The following MARCHF3 variants were observed in gnomAD, a reference collection of about 807,000 sequenced individuals.
MARCHF3 encodes the protein membrane associated ring-CH-type finger 3.
Under a neutral mutation model 24.2 loss-of-function variants are expected in MARCHF3, and 13 were observed. The ratio of observed to expected loss-of-function variants is 0.54; its 90% CI spans 0.35 to 0.85. MARCHF3 has a LOEUF of 0.85. MARCHF3 is among the 40% of genes least tolerant of loss of function. The pLI, the probability that MARCHF3 is intolerant of heterozygous loss-of-function variation, is 0.01. For missense variants in MARCHF3, 276 were observed against 325.0 expected (o/e 0.85, Z 1.16); for synonymous variants, 144 against 137.3 (o/e 1.05, Z -0.34).
intron 1 of MARCHF3, among the ~76,000 whole-genome samples, chr5:126,957,870 A>G (rs1270330977): frequency 6.6e-6 from 1 of 152,160 alleles, no homozygotes; most frequent in Non-Finnish European, 1.5e-5. Context: ...TAATATAGAA[A>G]GAATTGTGTC....
chr5:126,968,171 A>G (rs532530309), intron 1 of MARCHF3, among the ~76,000 whole-genome samples: 1 of 152,278 alleles, frequency 6.6e-6, no homozygotes, highest in South Asian at 2.1e-4. Context: ...ATGGTTGACC[A>G]TTTCACATTT....
intron 4 of MARCHF3, among the ~76,000 whole-genome samples, chr5:126,870,994 C>A (rs939457729): frequency 1.3e-5 from 2 of 152,212 alleles, no homozygotes; most frequent in African/African-American, 4.8e-5. Context: ...TATGTGTGGA[C>A]ACATGGGCAG....
At chr5:126,926,198 AG>A (rs1296191145) in intron 1 of MARCHF3, among the ~76,000 whole-genome samples, 1 of 152,224 alleles carries the variant, frequency 6.6e-6, no homozygotes, top group Non-Finnish European at 1.5e-5. Flanking sequence ...CCTAGAATAA[AG>A]CCAGTTGTGA....
At chr5:126,942,331 G>C (rs899808101) in intron 1 of MARCHF3, among the ~76,000 whole-genome samples, 1 of 152,016 alleles carries the variant, frequency 6.6e-6, no homozygotes, top group East Asian at 1.9e-4. Flanking sequence ...ACTCTGCCAT[G>C]GTAGCATGAA....
chr5:126,970,746 A>G (rs1750982177), intron 1 of MARCHF3, among the ~76,000 whole-genome samples: 1 of 152,214 alleles, frequency 6.6e-6, no homozygotes, highest in Admixed American at 6.5e-5. Context: ...AGCAATCCGC[A>G]TGTATTCTGT....
At chr5:127,018,839 T>TA in intron 1 of MARCHF3, among the ~76,000 whole-genome samples, 1 of 152,312 alleles carries the variant, frequency 6.6e-6, no homozygotes, top group South Asian at 2.1e-4. Context: ...AGCCACTTTG[T>TA]AGCTATGTGA....
chr5:127,002,637 G>C (rs1468909368), intron 1 of MARCHF3, among the ~76,000 whole-genome samples: 1 of 152,170 alleles, frequency 6.6e-6, no homozygotes, highest in Non-Finnish European at 1.5e-5. Context: ...TGCTGTATTG[G>C]CACTAAGTTC....
chr5:126,912,619 A>C (rs1436041430), intron 3 of MARCHF3, among the ~76,000 whole-genome samples: 1 of 152,228 alleles, frequency 6.6e-6, no homozygotes. Flanking sequence ...GAAAGTATTG[A>C]GAAGAGATGC....
At chr5:126,997,377 C>T (rs1044356528) in intron 1 of MARCHF3, among the ~76,000 whole-genome samples, 1 of 151,984 alleles carries the variant, frequency 6.6e-6, no homozygotes, top group African/African-American at 2.4e-5. Context: ...AGAAGAAACA[C>T]AGAAAGAGCA....
At chr5:127,022,013 T>C (rs1752819755) in intron 1 of MARCHF3, among the ~76,000 whole-genome samples, 1 of 152,354 alleles carries the variant, frequency 6.6e-6, no homozygotes, top group Middle Eastern at 3.4e-3. Flanking sequence ...TTTTGTTTTA[T>C]AGAAAACCTC....
chr5:126,886,059 T>C (rs1343586611), intron 3 of MARCHF3, among the ~76,000 whole-genome samples: 1 of 151,858 alleles, frequency 6.6e-6, no homozygotes, highest in Non-Finnish European at 1.5e-5. Context: ...GAAGGGTACA[T>C]ACCACATATC....
intron 1 of MARCHF3, 105 bp from the exon 2 acceptor site, chr5:126,918,332 CA>C: frequency 2.8e-6 from 2 of 707,794 alleles, no homozygotes; most frequent in South Asian, 1.9e-5. Flanking sequence ...ATACAAATAA[CA>C]GGGGTAGCCT....
intron 1 of MARCHF3, among the ~76,000 whole-genome samples, chr5:126,941,932 A>G (rs894255875): frequency 2.0e-5 from 3 of 152,228 alleles, no homozygotes; most frequent in Admixed American, 6.5e-5. Context: ...GCTGGGCAGT[A>G]TGCTCATTCC....
In MARCHF3 at chr5:126,966,905, C is replaced by CTTTTTTTTTTTTTTTT. The variant is rs779454094; in HGVS notation, c.-56-48694_-56-48679dup. On this transcript the variant is annotated intron_variant, in intron 1 of 4. Transcript: ENST00000308660. Reference sequence around the variant, plus strand: ...TTCTCTCTTGTTGGGCTGTGAGAGCCTTTTTTTTTTTTTTTTTTTTTTTTT... The same window carrying CTTTTTTTTTTTTTTTT: ...TTCTCTCTTGTTGGGCTGTGAGAGCCTTTTTTTTTTTTTTTTTTTTTTTTTTTTTTTTTTTTTTTTT... Among the ~76,000 whole-genome samples, 2 of 4,496 alleles carry CTTTTTTTTTTTTTTTT rather than the reference C, an allele frequency of 4.4e-4. 1 individual carries two copies. The highest frequency in any genetic ancestry group is 1.4e-3 in the African/African-American group (2 of 1,438). 2.9% of individuals were successfully genotyped at this position (4,496 alleles called of 152,430 possible).
intron 1 of MARCHF3, among the ~76,000 whole-genome samples, chr5:126,924,576 T>C (rs1749232325): frequency 6.6e-6 from 1 of 152,194 alleles, no homozygotes; most frequent in Non-Finnish European, 1.5e-5. Flanking sequence ...GCATGGCTGA[T>C]GAACTGACTT....
chr5:126,960,980 A>G (rs1750620128), intron 1 of MARCHF3, among the ~76,000 whole-genome samples: 1 of 152,162 alleles, frequency 6.6e-6, no homozygotes, highest in African/African-American at 2.4e-5. Context: ...AAAAGTAGTT[A>G]GAATTAAGGA....
chr5:126,988,090 T>C (rs1254346686), intron 1 of MARCHF3, among the ~76,000 whole-genome samples: 1 of 152,164 alleles, frequency 6.6e-6, no homozygotes, highest in Non-Finnish European at 1.5e-5. Context: ...CCAGATTATA[T>C]GCAAACACTC....
intron 1 of MARCHF3, among the ~76,000 whole-genome samples, chr5:126,929,157 G>C (rs55792418): frequency 0.052 from 7,984 of 152,270 alleles, 382 homozygotes; most frequent in South Asian, 0.14. Context: ...AATTCACGTA[G>C]AGGTCCTCTA....
intron 1 of MARCHF3, among the ~76,000 whole-genome samples, chr5:127,029,269 C>T (rs1753097990): frequency 6.6e-6 from 1 of 152,154 alleles, no homozygotes; most frequent in African/African-American, 2.4e-5. Context: ...GCATCTACAT[C>T]TTCATATACA....
Sources: allele counts gnomAD v4.1 joint callset (sites outside exome capture counted in the v4.1 genomes callset), GRCh38; gene constraint gnomAD v4.1.1; transcripts MANE v1.5; gene names NCBI Gene and HGNC (gene_info 2026-07-23, HGNC 2026-07-21).